The following PRIM2 variants were observed in gnomAD, a reference collection of about 807,000 sequenced individuals.
PRIM2 encodes DNA primase large subunit.
PRIM2 carries 39 observed loss-of-function variants against 67.3 expected under a neutral mutation model. That is an observed-to-expected ratio of 0.58 (90% CI 0.45 to 0.76). The LOEUF (loss-of-function observed/expected upper bound fraction) is 0.76, where lower values mean the gene tolerates loss of function less well. Ranked by LOEUF, PRIM2 falls within the 30% of genes least tolerant of loss-of-function variation. The probability of loss-of-function intolerance (pLI) is 0.00; values close to 1 mark genes in which losing one functional copy is unlikely to be tolerated. For synonymous variants in PRIM2, 143 were observed against 198.7 expected, an observed-to-expected ratio of 0.72 and a Z score of 2.36; for missense variants, 398 against 598.7, an observed-to-expected ratio of 0.66 and a Z score of 3.50.
chr6:57,435,635 C>G (rs1771987765), intron 7 of PRIM2, among the ~76,000 whole-genome samples: 1 of 152,206 alleles, frequency 6.6e-6, no homozygotes, highest in South Asian at 2.1e-4. Context: ...CTGCTAGTAC[C>G]TGATGAGCTG....
chr6:57,603,133 T>A (rs1254767271), intron 11 of PRIM2, among the ~76,000 whole-genome samples: 2 of 152,216 alleles, frequency 1.3e-5, no homozygotes, highest in Non-Finnish European at 2.9e-5. Context: ...TTTCTCTCTT[T>A]TTTCACCTTT....
intron 7 of PRIM2, among the ~76,000 whole-genome samples, chr6:57,405,909 C>CCAT (rs1353968418): frequency 6.6e-6 from 1 of 152,236 alleles, no homozygotes; most frequent in African/African-American, 2.4e-5. Flanking sequence ...ATCAGTACCA[C>CCAT]CATCATCATC....
intron 10 of PRIM2, among the ~76,000 whole-genome samples, chr6:57,550,036 G>C (rs1246780797): frequency 6.6e-6 from 1 of 152,096 alleles, no homozygotes; most frequent in African/African-American, 2.4e-5. Flanking sequence ...GGTGAGCTGA[G>C]ATCTCACCAT....
intron 12 of PRIM2, among the ~76,000 whole-genome samples, chr6:57,612,274 A>T (rs1776681127): frequency 6.6e-6 from 1 of 152,202 alleles, no homozygotes; most frequent in African/African-American, 2.4e-5. Context: ...TCCACATAAA[A>T]ATCTGTTCCT....
intron 7 of PRIM2, among the ~76,000 whole-genome samples, chr6:57,441,351 A>G (rs62399067): frequency 3.9e-5 from 6 of 152,312 alleles, no homozygotes; most frequent in African/African-American, 1.4e-4. Context: ...AAATTCAGTG[A>G]GAGGAAATGA....
At chr6:57,441,473 G>T (rs977752930) in intron 7 of PRIM2, among the ~76,000 whole-genome samples, 15 of 151,936 alleles carry the variant, frequency 9.9e-5, no homozygotes, top group African/African-American at 3.6e-4. Context: ...AAATGGTTTT[G>T]GTTTTCATCA....
intron 12 of PRIM2, among the ~76,000 whole-genome samples, chr6:57,628,964 C>T (rs1777000837): frequency 6.6e-6 from 1 of 152,130 alleles, no homozygotes; most frequent in Non-Finnish European, 1.5e-5. Context: ...GATCCTATAT[C>T]ATAAGCTGAA....
chr6:57,506,859 G>A (rs1554347259), intron 7 of PRIM2, among the ~76,000 whole-genome samples: 2 of 151,956 alleles, frequency 1.3e-5, no homozygotes, highest in Non-Finnish European at 2.9e-5. Flanking sequence ...AATACTTTGA[G>A]TTGCTTCTGT....
intron 10 of PRIM2, among the ~76,000 whole-genome samples, chr6:57,551,450 G>T (rs1450221414): frequency 5.9e-5 from 9 of 152,318 alleles, no homozygotes; most frequent in African/African-American, 2.2e-4. Context: ...GAATGGTAAG[G>T]ATGATATTGA....
chr6:57,329,280 C>G (rs9464434), intron 5 of PRIM2, among the ~76,000 whole-genome samples: 19,358 of 151,948 alleles, frequency 0.13, 1,393 homozygotes, highest in African/African-American at 0.18. Context: ...TTAGCTCTTA[C>G]GTTTATATCT....
chr6:57,222,276 C>T, the PRIM2 span: 1 of 152,414 alleles, frequency 6.6e-6, no homozygotes, highest in Non-Finnish European at 1.5e-5. Flanking sequence ...CTCGACTCCC[C>T]TCATCTGTGG....
chr6:57,225,019 C>G, the PRIM2 span, among the ~76,000 whole-genome samples: 1 of 152,172 alleles, frequency 6.6e-6, no homozygotes, highest in South Asian at 2.1e-4. Context: ...GCAAAATAAC[C>G]CTTGTCTTCC....
At chr6:57,383,211 G>A (rs1770020646) in intron 7 of PRIM2, 1 of 152,054 alleles carries the variant, frequency 6.6e-6, no homozygotes, top group Non-Finnish European at 1.5e-5. Context: ...TTTCACCACT[G>A]TGGAAGACAC....
chr6:57,394,001 A>C (rs1249943544), intron 7 of PRIM2, among the ~76,000 whole-genome samples: 2 of 151,914 alleles, frequency 1.3e-5, no homozygotes, highest in Admixed American at 6.6e-5. Context: ...TGGATTCTCT[A>C]TTCTGTTCCA....
intron 7 of PRIM2, among the ~76,000 whole-genome samples, chr6:57,456,819 T>C (rs201040087): frequency 8.5e-5 from 13 of 152,202 alleles, no homozygotes; most frequent in African/African-American, 2.7e-4. Context: ...AGCTTTGTTC[T>C]GTTGCTGGTG....
At chr6:57,357,469 T>TC (rs912819047) in intron 5 of PRIM2, among the ~76,000 whole-genome samples, 1 of 152,222 alleles carries the variant, frequency 6.6e-6, no homozygotes, top group African/African-American at 2.4e-5. Context: ...ACATGTTTTT[T>TC]CCCCTTGACT....
chr6:57,522,227 G>A (rs1296873614), intron 8 of PRIM2, among the ~76,000 whole-genome samples: 39 of 152,136 alleles, frequency 2.6e-4, no homozygotes, highest in Admixed American at 2.6e-3. Context: ...CTTTTAGTTG[G>A]CCTAATTACA....
intron 7 of PRIM2, among the ~76,000 whole-genome samples, chr6:57,456,969 G>A (rs1220596853): frequency 6.6e-6 from 1 of 152,116 alleles, no homozygotes; most frequent in East Asian, 1.9e-4. Context: ...GGGTTTTGGT[G>A]TGGATGTTCT....
At chr6:57,569,750 T>C (rs1775825042) in intron 10 of PRIM2, among the ~76,000 whole-genome samples, 1 of 152,022 alleles carries the variant, frequency 6.6e-6, no homozygotes, top group Non-Finnish European at 1.5e-5. Context: ...TACCCTTTTC[T>C]TTTCTTTTTT....
Sources: gnomAD v4.1 joint callset for allele counts (sites outside exome capture counted in the v4.1 genomes callset) on GRCh38, gnomAD v4.1.1 for gene constraint, MANE v1.5 for transcripts, NCBI Gene and HGNC (gene_info 2026-07-23, HGNC 2026-07-21) for gene names.